Variants in TAF4 observed in about 807,000 individuals in gnomAD.
The protein encoded by TAF4 is transcription initiation factor TFIID subunit 4.
In TAF4, 9 loss-of-function variants were observed where a neutral mutation model predicts 90.3. That is an observed-to-expected ratio of 0.10 (90% CI 0.06 to 0.17). TAF4 has a LOEUF of 0.17. Among genes scored for constraint, TAF4 ranks in the 10% least tolerant of loss-of-function variants. The pLI is 1.00. For synonymous variants in TAF4, 818 were observed against 638.9 expected (o/e 1.28, Z -4.23); for missense variants, 1,351 against 1,370.7 (o/e 0.99, Z 0.23).
At chr20:62,042,978 T>G (rs2055972761) in intron 1 of TAF4, among the ~76,000 whole-genome samples, 1 of 152,176 alleles carries the variant, frequency 6.6e-6, no homozygotes, top group African/African-American at 2.4e-5. Context: ...CGTGTGCTTG[T>G]GTCTTGTTTC....
chr20:62,018,798 C>A (rs1225074365), intron 1 of TAF4, among the ~76,000 whole-genome samples: 1 of 152,240 alleles, frequency 6.6e-6, no homozygotes, highest in Non-Finnish European at 1.5e-5. Context: ...ACAAGAAACA[C>A]GACATCCGTC....
chr20:62,002,465 T>C (rs1304194072), intron 9 of TAF4, among the ~76,000 whole-genome samples: 2 of 152,184 alleles, frequency 1.3e-5, no homozygotes, highest in African/African-American at 4.8e-5. Flanking sequence ...TCAGACCACC[T>C]GCTTTCCAGG....
At chr20:62,045,715 G>C (rs953604177) in intron 1 of TAF4, among the ~76,000 whole-genome samples, 7 of 152,178 alleles carry the variant, frequency 4.6e-5, no homozygotes, top group African/African-American at 1.7e-4. Flanking sequence ...TCCTGGAAAG[G>C]GTGAACGCTG....
rs1237811280 is a variant in TAF4 at position 62,064,431 on chromosome 20, C to T, written c.1360+20G>A. On this transcript the variant is annotated intron_variant, in intron 1 of 14. Coordinates refer to ENST00000252996, the MANE Select transcript of TAF4 (RefSeq NM_003185.4). Reference sequence around the variant, plus strand: ...GCTGCTGGGAGCCGCCCTTCCCTCCCGCCCCGTGCGGCCACTCACCTGGGG... The same window carrying T: ...GCTGCTGGGAGCCGCCCTTCCCTCCTGCCCCGTGCGGCCACTCACCTGGGG... The T allele has an allele frequency of 3.0e-6, 4 of 1,337,446 alleles. No homozygotes were observed. In the African/African-American group the frequency reaches 4.5e-5, roughly 15 times the overall value. The allele number at this position is 1,337,446 out of a possible 1,614,324, so 82.8% of individuals were successfully genotyped here.
intron 1 of TAF4, among the ~76,000 whole-genome samples, chr20:62,054,118 T>C (rs180691435): frequency 1.3e-5 from 2 of 152,352 alleles, no homozygotes; most frequent in African/African-American, 4.8e-5. Context: ...TCTGTGGATT[T>C]TCTCTTTGAA....
At chr20:62,000,924 G>A (rs777149364) in intron 9 of TAF4, among the ~76,000 whole-genome samples, 1 of 152,182 alleles carries the variant, frequency 6.6e-6, no homozygotes, top group Non-Finnish European at 1.5e-5. Context: ...ATTGTTCTGC[G>A]GAAGGAGAGC....
rs1443668508 is a variant in TAF4 at position 62,018,279 on chromosome 20, T to C, written c.1361-3572A>G. On this transcript the variant is annotated intron_variant, in intron 1 of 14. Coordinates refer to ENST00000252996, the MANE Select transcript of TAF4 (RefSeq NM_003185.4). ...TGTACCAAAAAGCAAAGTCAGACAC[T>C]GTGTGATGATCTGAGGACACTCAGA... Among the ~76,000 whole-genome samples the C allele has an allele frequency of 3.3e-5, 5 of 152,362 alleles. No individual in the cohort carries two copies. The East Asian group carries it at 9.6e-4, about 29-fold the overall frequency.
At position 62,006,589 on chromosome 20, in the gene TAF4, C is replaced by G; in HGVS notation, c.2144G>C (p.Ser715Thr). 1 of 1,598,522 alleles carries G rather than the reference C, an allele frequency of 6.3e-7. No homozygotes were observed. The highest frequency in any genetic ancestry group is 1.1e-5 in the South Asian group (1 of 89,592). ...GCTGAGCACAGGGGGCTGGAGGGCA[C>G]TGGTCACGGTGGCCGCCGTCTTCCC... ...TAGKTAATVT[S>T]ALQPPVLSLT... The change falls in exon 7 of 15, where the codon AGT becomes ACT. Residue 715 changes from serine to threonine, a missense_variant. Physicochemically the swap from Ser to Thr is moderately conservative, Grantham distance 58 (BLOSUM62 1). This residue lies in a region of TAF4 where 202 missense variants were observed against 229.7 expected (regional missense o/e 0.88). Coordinates refer to ENST00000252996, the MANE Select transcript of TAF4 (RefSeq NM_003185.4). The surrounding 1 kb of genome is among the most constrained non-coding windows in gnomAD (Gnocchi z 7.0).
At chr20:61,984,295 GA>G (rs2055569081) in intron 14 of TAF4, among the ~76,000 whole-genome samples, 1 of 152,150 alleles carries the variant, frequency 6.6e-6, no homozygotes, top group Non-Finnish European at 1.5e-5. Context: ...TGAGGCTGGG[GA>G]AAGAGCTGCC....
chr20:62,062,012 G>A (rs949278364), intron 1 of TAF4, among the ~76,000 whole-genome samples: 1 of 152,166 alleles, frequency 6.6e-6, no homozygotes, highest in African/African-American at 2.4e-5. Context: ...CTCCACGGAG[G>A]GAAGGCTGGG....
chr20:61,976,215 G>A lies in TAF4; in HGVS notation c.3211C>T (p.Arg1071Cys), dbSNP rs2055493739. ...RDLIFCLENE[R>C]ETSHSLLLYK... ...AGCAGCAGTGAATGGCTTGTCTCAC[G>A]TTCATTTTCTAAACAAAATATGAGG... Residue 1071 changes from arginine to cysteine, a missense_variant, in exon 15 of 15, where the codon CGT becomes TGT. Physicochemically the swap from Arg to Cys is radical, Grantham distance 180. Coordinates refer to ENST00000252996, the MANE Select transcript of TAF4 (RefSeq NM_003185.4). 1.2e-6 allele frequency: 2 copies of A among 1,614,048 alleles called. No homozygotes were observed. Among genetic ancestry groups the A allele is most frequent in the Non-Finnish European group, 1.7e-6 (2 of 1,180,036 alleles).
chr20:61,982,495 A>G (rs2055555029), intron 14 of TAF4, among the ~76,000 whole-genome samples: 1 of 137,328 alleles, frequency 7.3e-6, no homozygotes, highest in Non-Finnish European at 1.6e-5. Flanking sequence ...ACCAAAACCC[A>G]CACCCACCTG....
Position 61,975,669 on chromosome 20 carries a change from G to C in TAF4, c.*499C>G, listed in dbSNP as rs923750814. On this transcript the variant is annotated 3_prime_UTR_variant, in exon 15 of 15. Coordinates refer to ENST00000252996, the MANE Select transcript of TAF4 (RefSeq NM_003185.4). Reference sequence around the variant, plus strand: ...GGAAGGGAGGGGAGGGGAGGGCAGGGGGCAGAGAGGAGAGCGGGGTGGGAG... The same window carrying C: ...GGAAGGGAGGGGAGGGGAGGGCAGGCGGCAGAGAGGAGAGCGGGGTGGGAG... 6.5e-6 allele frequency: 1 copy of C among 154,130 alleles called. No individual in the cohort carries two copies. Among genetic ancestry groups the C allele is most frequent in the Non-Finnish European group, 1.4e-5 (1 of 70,144 alleles). The allele number at this position is 154,130 out of a possible 1,614,324, so 9.5% of individuals were successfully genotyped here. A position where few individuals can be genotyped will look rare whatever the true frequency, so the allele number is the denominator to read the frequency against.
intron 11 of TAF4, 41 bp downstream of exon 11, chr20:62,000,083 C>A: frequency 6.2e-7 from 1 of 1,614,084 alleles, no homozygotes; most frequent in African/African-American, 1.3e-5. Context: ...GAGTGGGGGC[C>A]AACAACATAA....
intron 1 of TAF4, among the ~76,000 whole-genome samples, chr20:62,039,366 A>G (rs878985646): frequency 1.3e-5 from 2 of 152,228 alleles, no homozygotes; most frequent in Admixed American, 6.5e-5. Flanking sequence ...TCCTCAACAC[A>G]TAAGGCTGGC....
intron 14 of TAF4, chr20:61,980,429 G>A (rs3787423): frequency 0.46 from 70,191 of 152,156 alleles, 17,364 homozygotes; most frequent in Middle Eastern, 0.64. Flanking sequence ...GGAGAATGCT[G>A]TGCCCACAGC....
intron 1 of TAF4, among the ~76,000 whole-genome samples, chr20:62,053,373 T>G (rs6061990): frequency 0.52 from 79,377 of 152,014 alleles, 21,258 homozygotes; most frequent in Middle Eastern, 0.67. Flanking sequence ...TGTGACGAGC[T>G]CCCGGCCCAG....
In TAF4 at chr20:62,065,578, G is replaced by T; in HGVS notation, c.233C>A (p.Pro78His). 1 of 980,442 alleles carries T rather than the reference G, an allele frequency of 1.0e-6. No homozygotes were observed. Among genetic ancestry groups the T allele is most frequent in the Non-Finnish European group, 1.2e-6 (1 of 828,584 alleles). The allele number at this position is 980,442 out of a possible 1,614,324, so 60.7% of individuals were successfully genotyped here. A position where few individuals can be genotyped will look rare whatever the true frequency, so the allele number is the denominator to read the frequency against. Residue 78 changes from proline (P) to histidine (H), a missense_variant, in exon 1 of 15, where the codon CCC becomes CAC. By Grantham distance (77) the Pro-to-His change is moderately conservative. This residue lies in a region of TAF4 where 782 missense variants were observed against 536.6 expected (regional missense o/e 1.46). Coordinates refer to ENST00000252996, the MANE Select transcript of TAF4 (RefSeq NM_003185.4). ...CGCCGCTCCGGGCGCGCCCTCGGCGGGGGCGGCCGGCCCTGCGCCCGCGGC... is the reference window on the plus strand; with the variant it reads ...CGCCGCTCCGGGCGCGCCCTCGGCGTGGGCGGCCGGCCCTGCGCCCGCGGC... ...AGAAGAGPAAPAEGAPGAAPE... is the reference protein window; with the variant it reads ...AGAAGAGPAAHAEGAPGAAPE...
intron 8 of TAF4, among the ~76,000 whole-genome samples, 198 bp from the exon 9 acceptor site, chr20:62,003,472 T>C (rs1389286975): frequency 6.6e-6 from 1 of 152,192 alleles, no homozygotes; most frequent in East Asian, 1.9e-4. Flanking sequence ...TTTTCCTGTA[T>C]TTCATCAAGG....
Sources: gnomAD v4.1 joint callset for allele counts (sites outside exome capture counted in the v4.1 genomes callset) on GRCh38, gnomAD v4.1.1 for gene constraint, gnomAD v4.1.1 regional missense constraint, Gnocchi (gnomAD v3.1) non-coding constraint, MANE v1.5 for transcripts, NCBI Gene and HGNC (gene_info 2026-07-23, HGNC 2026-07-21) for gene names.